RABGAP1L: variants seen among roughly 807,000 people sequenced by gnomAD.
RABGAP1L encodes the protein RAB GTPase activating protein 1 like, also known as rab GTPase-activating protein 1-like.
RABGAP1L carries 63 observed loss-of-function variants against 137.7 expected under a neutral mutation model. The observed-to-expected ratio is 0.46, with a 90% CI of 0.37 to 0.56. The LOEUF is 0.56. Among genes scored for constraint, RABGAP1L ranks in the 20% least tolerant of loss-of-function variants. The pLI is 0.00. For synonymous variants in RABGAP1L, 431 were observed against 433.7 expected (o/e 0.99, Z 0.08); for missense variants, 1,095 against 1,244.0 (o/e 0.88, Z 1.80).
intron 1 of RABGAP1L, among the ~76,000 whole-genome samples, chr1:174,186,945 A>G (rs1211134584): frequency 6.6e-6 from 1 of 152,148 alleles, no homozygotes; most frequent in Non-Finnish European, 1.5e-5. Flanking sequence ...AAATCCTTAA[A>G]TGTGGTACAA....
At chr1:174,388,787 A>C (rs1359962032) in intron 12 of RABGAP1L, among the ~76,000 whole-genome samples, 2 of 152,118 alleles carry the variant, frequency 1.3e-5, no homozygotes, top group Non-Finnish European at 2.9e-5. Flanking sequence ...TTTTCTAACC[A>C]AAAAGACTAA....
At chr1:174,878,968 T>A (rs12734663) in intron 19 of RABGAP1L, among the ~76,000 whole-genome samples, 1 of 141,584 alleles carries the variant, frequency 7.1e-6, no homozygotes, top group East Asian at 2.1e-4. Context: ...AGTCTCCCTC[T>A]TGTTGCCCAA....
At chr1:174,947,424 G>A (rs150205850) in intron 19 of RABGAP1L, among the ~76,000 whole-genome samples, 20 of 150,776 alleles carry the variant, frequency 1.3e-4, no homozygotes, top group Admixed American at 8.6e-4. Flanking sequence ...TCTTTCTTTC[G>A]TTTTTTTGTT....
intron 19 of RABGAP1L, among the ~76,000 whole-genome samples, chr1:174,858,186 T>A (rs866463106): frequency 2.0e-4 from 30 of 152,074 alleles, no homozygotes; most frequent in African/African-American, 6.5e-4. Flanking sequence ...CTAATTTTTT[T>A]AAAACTTTTT....
chr1:174,372,188 A>C (rs754916352), intron 12 of RABGAP1L, among the ~76,000 whole-genome samples: 13 of 152,194 alleles, frequency 8.5e-5, no homozygotes, highest in Non-Finnish European at 1.8e-4. Context: ...AAGGGTCAGA[A>C]TCTAATTTAA....
intron 19 of RABGAP1L, among the ~76,000 whole-genome samples, chr1:174,854,982 C>A (rs1649051152): frequency 6.6e-6 from 1 of 151,890 alleles, no homozygotes; most frequent in African/African-American, 2.4e-5. Context: ...AAGTGATCCA[C>A]CCGCCTCGGC....
intron 13 of RABGAP1L, among the ~76,000 whole-genome samples, chr1:174,571,012 G>A (rs1180398757): frequency 2.0e-5 from 3 of 152,186 alleles, no homozygotes; most frequent in African/African-American, 7.2e-5. Flanking sequence ...AGATTTAGAA[G>A]CAACCTAAGT....
chr1:174,330,538 T>C (rs1680942887), intron 11 of RABGAP1L, among the ~76,000 whole-genome samples: 1 of 152,174 alleles, frequency 6.6e-6, no homozygotes, highest in Non-Finnish European at 1.5e-5. Context: ...TGAATTGTTA[T>C]TGTGCCACTG....
Position 174,752,305 on chromosome 1 carries a change from T to C in RABGAP1L, c.2170-8T>C. The C allele has an allele frequency of 6.3e-7, 1 of 1,577,920 alleles. No homozygotes were observed. The highest frequency in any genetic ancestry group is 8.6e-7 in the Non-Finnish European group (1 of 1,159,514). On this transcript the variant is annotated splice_polypyrimidine_tract_variant and splice_region_variant and intron_variant, in intron 17 of 25. Coordinates refer to ENST00000681986, the MANE Select transcript of RABGAP1L (RefSeq NM_001366446.1). ...AGTACTAATCTTCACTTTCTTTTTC[T>C]ATTTCAGGGTTTGAACATAATCTTT...
At chr1:174,667,132 A>T (rs865892945) in intron 14 of RABGAP1L, among the ~76,000 whole-genome samples, 2 of 152,176 alleles carry the variant, frequency 1.3e-5, no homozygotes, top group Non-Finnish European at 2.9e-5. Context: ...ATGATAATTA[A>T]TATGTTACAT....
At chr1:174,656,306 A>G (rs1004306148) in intron 14 of RABGAP1L, among the ~76,000 whole-genome samples, 5 of 152,128 alleles carry the variant, frequency 3.3e-5, no homozygotes, top group Non-Finnish European at 7.4e-5. Flanking sequence ...AAAAATACAA[A>G]AATTATCCAG....
chr1:174,908,903 G>A (rs1283344493), intron 19 of RABGAP1L, among the ~76,000 whole-genome samples: 1 of 150,724 alleles, frequency 6.6e-6, no homozygotes, highest in Non-Finnish European at 1.5e-5. Flanking sequence ...GCCGGGCACA[G>A]TGGCTCACAC....
chr1:174,344,293 C>T (rs1415900567), intron 11 of RABGAP1L, among the ~76,000 whole-genome samples: 1 of 152,126 alleles, frequency 6.6e-6, no homozygotes, highest in Admixed American at 6.5e-5. Flanking sequence ...AGCATTTACA[C>T]CTGCCTGGGA....
rs578076275 is a variant in RABGAP1L at position 174,383,754 on chromosome 1, G to A, written c.1560-10241G>A. 4.4e-4 allele frequency among the ~76,000 whole-genome samples: 67 copies of A among 151,636 alleles called. 1 individual carries two copies. The highest frequency in any genetic ancestry group is 5.8e-4 in the East Asian group (3 of 5,168). On this transcript the variant is annotated intron_variant, in intron 12 of 25. Transcript: ENST00000681986. The stretch of plus-strand genomic sequence containing the variant: ...AATGCAGAAATCACCCGTCTTCTGC[G>A]TCGCTCATGCTGGGAGCTGTAGACC...
intron 13 of RABGAP1L, among the ~76,000 whole-genome samples, chr1:174,507,809 T>A (rs764963866): frequency 6.0e-5 from 9 of 150,758 alleles, no homozygotes; most frequent in Non-Finnish European, 1.3e-4. Flanking sequence ...TTTGATTTAC[T>A]ATTAAGTATC....
At chr1:174,189,206 T>C (rs1339761525) in intron 1 of RABGAP1L, among the ~76,000 whole-genome samples, 1 of 152,096 alleles carries the variant, frequency 6.6e-6, no homozygotes, top group East Asian at 1.9e-4. Flanking sequence ...GGGGTTTCAC[T>C]GTGTTAGCCA....
intron 18 of RABGAP1L, among the ~76,000 whole-genome samples, chr1:174,754,499 T>G (rs1386591914): frequency 1.3e-5 from 2 of 152,090 alleles, no homozygotes; most frequent in Non-Finnish European, 2.9e-5. Flanking sequence ...TTTGTTTTGT[T>G]TTTTGCTTTT....
chr1:174,892,724 T>C, intron 19 of RABGAP1L: 3 of 481,278 alleles, frequency 6.2e-6, no homozygotes, highest in South Asian at 4.6e-5. Flanking sequence ...CATTTCTTTG[T>C]TTTCTTTCTT....
chr1:174,773,502 A>G (rs984227822), intron 18 of RABGAP1L, among the ~76,000 whole-genome samples: 1 of 152,210 alleles, frequency 6.6e-6, no homozygotes, highest in Non-Finnish European at 1.5e-5. Context: ...ACATCATACT[A>G]TGAGTGAAAA....
Sources: allele counts gnomAD v4.1 joint callset (sites outside exome capture counted in the v4.1 genomes callset), GRCh38; gene constraint gnomAD v4.1.1; transcripts MANE v1.5; gene names NCBI Gene and HGNC (gene_info 2026-07-23, HGNC 2026-07-21).